ZNF385D: variants seen among roughly 807,000 people sequenced by gnomAD.
The protein encoded by ZNF385D is zinc finger protein 385D, also known as zinc finger protein 659.
In ZNF385D, 15 loss-of-function variants were observed where a neutral mutation model predicts 35.8. The observed-to-expected ratio is 0.42, with a 90% confidence interval of 0.28 to 0.64. The LOEUF is 0.64. Ranked by LOEUF, ZNF385D falls within the 30% of genes least tolerant of loss-of-function variation. The pLI, the probability that ZNF385D is intolerant of heterozygous loss-of-function variation, is 0.23. For missense variants in ZNF385D, 474 were observed against 494.6 expected, an observed-to-expected ratio of 0.96 and a Z score of 0.39; for synonymous variants, 212 against 186.8, an observed-to-expected ratio of 1.13 and a Z score of -1.10.
At chr3:21,710,895 C>A (rs2171906) in intron 1 of ZNF385D, among the ~76,000 whole-genome samples, 70,717 of 151,792 alleles carry the variant, frequency 0.47, 17,288 homozygotes, top group African/African-American at 0.62. Context: ...AGCCATCACT[C>A]ACTCATGACC....
chr3:21,574,755 G>C (rs977276147), intron 2 of ZNF385D, among the ~76,000 whole-genome samples: 28 of 151,978 alleles, frequency 1.8e-4, no homozygotes, highest in African/African-American at 6.5e-4. Flanking sequence ...TGGATTTTTA[G>C]ATTTTCATTA....
intron 2 of ZNF385D, among the ~76,000 whole-genome samples, chr3:22,187,577 G>A (rs1373233583): frequency 6.6e-6 from 1 of 152,032 alleles, no homozygotes; most frequent in East Asian, 1.9e-4. Context: ...AATGAAGTTA[G>A]TGAAGAAACC....
At chr3:22,027,818 A>G (rs562421463) in intron 3 of ZNF385D, among the ~76,000 whole-genome samples, 1 of 152,156 alleles carries the variant, frequency 6.6e-6, no homozygotes, top group Non-Finnish European at 1.5e-5. Context: ...GCCTGCAACA[A>G]TGGCCTCATG....
chr3:21,636,414 A>ATATATATATATAT lies in ZNF385D; in HGVS notation c.165+28471_165+28472insATATATATATATA, dbSNP rs56114816. Among the ~76,000 whole-genome samples, 641 of 64,376 alleles carry ATATATATATATAT rather than the reference A, an allele frequency of 1.0e-2. 14 individuals carry two copies. Among genetic ancestry groups the ATATATATATATAT allele is most frequent in the Admixed American group, 0.023 (111 of 4,822 alleles). 42.2% of individuals were successfully genotyped at this position (64,376 alleles called of 152,430 possible). On this transcript the variant is annotated intron_variant, in intron 2 of 7. Coordinates refer to ENST00000281523, the MANE Select transcript of ZNF385D (RefSeq NM_024697.3). ...TATATATATATATATATATATATATAGAGTTTCTTAAGGAGTATTAACTCA... is the reference window on the plus strand; with the variant it reads ...TATATATATATATATATATATATATATATATATATATATGAGTTTCTTAAGGAGTATTAACTCA...
intron 4 of ZNF385D, among the ~76,000 whole-genome samples, chr3:21,507,885 G>A (rs1008743890): frequency 3.3e-5 from 5 of 152,174 alleles, no homozygotes; most frequent in African/African-American, 7.2e-5. Flanking sequence ...AAGGGTCTAC[G>A]AAATGGGTGT....
intron 3 of ZNF385D, among the ~76,000 whole-genome samples, chr3:22,138,082 G>T (rs4401378): frequency 0.9 from 137,150 of 151,784 alleles, 62,196 homozygotes; most frequent in African/African-American, 0.98. Flanking sequence ...TCAAAGAGAA[G>T]AAAATACCTA....
chr3:22,065,148 TGA>T (rs1159912828), intron 3 of ZNF385D, among the ~76,000 whole-genome samples: 3 of 152,188 alleles, frequency 2.0e-5, no homozygotes, highest in Non-Finnish European at 4.4e-5. Flanking sequence ...ATGAACTTAT[TGA>T]GAGAGTGTGG....
At chr3:21,701,669 C>T (rs1477461126) in intron 1 of ZNF385D, among the ~76,000 whole-genome samples, 1 of 152,134 alleles carries the variant, frequency 6.6e-6, no homozygotes, top group Non-Finnish European at 1.5e-5. Flanking sequence ...TGCCTATGAA[C>T]CTGTAAAATC....
At chr3:21,614,613 T>C (rs938091003) in intron 2 of ZNF385D, among the ~76,000 whole-genome samples, 1 of 152,106 alleles carries the variant, frequency 6.6e-6, no homozygotes, top group African/African-American at 2.4e-5. Flanking sequence ...TTTTTTGAGA[T>C]GGAGTCTCAC....
chr3:21,455,030 G>T (rs1347923045), intron 4 of ZNF385D, among the ~76,000 whole-genome samples: 1 of 152,182 alleles, frequency 6.6e-6, no homozygotes, highest in South Asian at 2.1e-4. Context: ...ACTTACAAGG[G>T]ATGTGAAGGA....
At chr3:21,965,288 G>C (rs2125327947) in intron 3 of ZNF385D, among the ~76,000 whole-genome samples, 1 of 152,262 alleles carries the variant, frequency 6.6e-6, no homozygotes, top group African/African-American at 2.4e-5. Context: ...TGCATCAAAT[G>C]AATGCCACAT....
intron 4 of ZNF385D, among the ~76,000 whole-genome samples, chr3:21,489,882 C>T (rs190549288): frequency 1.3e-5 from 2 of 152,066 alleles, no homozygotes; most frequent in African/African-American, 4.8e-5. Flanking sequence ...GTTATGGAGA[C>T]CTCTTTCTGA....
At chr3:21,965,666 T>A (rs1702873630) in intron 3 of ZNF385D, among the ~76,000 whole-genome samples, 1 of 152,226 alleles carries the variant, frequency 6.6e-6, no homozygotes, top group Non-Finnish European at 1.5e-5. Flanking sequence ...CCAGAACAAC[T>A]GACAAATTTA....
At chr3:22,287,732 T>A (rs909674512) in intron 2 of ZNF385D, among the ~76,000 whole-genome samples, 2 of 152,038 alleles carry the variant, frequency 1.3e-5, no homozygotes, top group Admixed American at 1.3e-4. Context: ...ATAGCTATAA[T>A]TGTTTGTAAT....
chr3:22,039,730 A>G (rs57229805), intron 3 of ZNF385D, among the ~76,000 whole-genome samples: 3,689 of 152,250 alleles, frequency 0.024, 157 homozygotes, highest in African/African-American at 0.082. Context: ...CCCGAATATT[A>G]TAACTAAATA....
At chr3:21,484,488 C>T (rs1053974149) in intron 4 of ZNF385D, among the ~76,000 whole-genome samples, 1 of 152,108 alleles carries the variant, frequency 6.6e-6, no homozygotes, top group African/African-American at 2.4e-5. Context: ...CTTCCTCCTG[C>T]GATGTCTCTC....
chr3:21,797,894 T>C (rs1037602314), intron 3 of ZNF385D, among the ~76,000 whole-genome samples: 2 of 152,180 alleles, frequency 1.3e-5, no homozygotes, highest in African/African-American at 4.8e-5. Context: ...TTTAGGGCAG[T>C]GAAAATACCC....
At chr3:22,278,817 T>C (rs1224285775) in intron 2 of ZNF385D, among the ~76,000 whole-genome samples, 1 of 152,136 alleles carries the variant, frequency 6.6e-6, no homozygotes, top group African/African-American at 2.4e-5. Context: ...GGGATCCAGA[T>C]GCTGGCTATC....
At chr3:21,730,371 G>C (rs746781574) in intron 1 of ZNF385D, among the ~76,000 whole-genome samples, 1 of 152,206 alleles carries the variant, frequency 6.6e-6, no homozygotes, top group Non-Finnish European at 1.5e-5. Context: ...AAAGAACTAT[G>C]TGGGAAGCTT....
Sources: gnomAD v4.1 joint callset for allele counts (sites outside exome capture counted in the v4.1 genomes callset) on GRCh38, gnomAD v4.1.1 for gene constraint, MANE v1.5 for transcripts, NCBI Gene and HGNC (gene_info 2026-07-23, HGNC 2026-07-21) for gene names.